NPAS3: variants seen among roughly 807,000 people sequenced by gnomAD.
The protein encoded by NPAS3 is neuronal PAS domain-containing protein 3.
In NPAS3, 14 loss-of-function variants were observed where a neutral mutation model predicts 73.1. The observed-to-expected ratio is 0.19, with a 90% CI of 0.13 to 0.30. The LOEUF is 0.30. Among genes scored for constraint, NPAS3 ranks in the 10% least tolerant of loss-of-function variants. The pLI is 1.00. For missense variants in NPAS3, 1,096 were observed against 1,250.0 expected (o/e 0.88, Z 1.86); for synonymous variants, 620 against 541.5 (o/e 1.14, Z -2.01).
intron 2 of NPAS3, among the ~76,000 whole-genome samples, chr14:33,057,615 C>A (rs559916183): frequency 2.6e-4 from 40 of 152,216 alleles, no homozygotes; most frequent in Non-Finnish European, 4.3e-4. Flanking sequence ...AGGAATTTGG[C>A]GCATAGTAAG....
chr14:33,236,926 T>C (rs1958020), intron 3 of NPAS3, among the ~76,000 whole-genome samples: 4,184 of 152,194 alleles, frequency 0.027, 177 homozygotes, highest in East Asian at 0.12. Flanking sequence ...GATAAATCAG[T>C]GTTTTGATTT....
chr14:33,513,245 A>G (rs1359129973), intron 4 of NPAS3, among the ~76,000 whole-genome samples: 1 of 152,058 alleles, frequency 6.6e-6, no homozygotes, highest in Non-Finnish European at 1.5e-5. Context: ...AGCTAAGGTC[A>G]CAGACAGTGG....
At chr14:33,632,227 T>A (rs1260814606) in intron 5 of NPAS3, among the ~76,000 whole-genome samples, 2 of 152,184 alleles carry the variant, frequency 1.3e-5, no homozygotes, top group Non-Finnish European at 2.9e-5. Flanking sequence ...ACTTTAGCCA[T>A]ACCTGAGTGG....
chr14:33,252,057 C>CTGTGTGTGTGTG (rs3057325), intron 3 of NPAS3, among the ~76,000 whole-genome samples: 32 of 145,316 alleles, frequency 2.2e-4, no homozygotes, highest in African/African-American at 8.0e-4. Context: ...GTGTGTGTGT[C>CTGTGTGTGTGTG]TGTGTGTGTG....
intron 1 of NPAS3, among the ~76,000 whole-genome samples, chr14:33,035,647 G>T (rs2040141467): frequency 6.6e-6 from 1 of 152,196 alleles, no homozygotes; most frequent in East Asian, 1.9e-4. Flanking sequence ...TTATCACTTG[G>T]CACAGCATTT....
At chr14:33,451,226 T>C (rs1202774777) in intron 4 of NPAS3, among the ~76,000 whole-genome samples, 1 of 152,224 alleles carries the variant, frequency 6.6e-6, no homozygotes, top group East Asian at 1.9e-4. Context: ...CAGCTGTGCC[T>C]CCTTATTTGC....
At chr14:33,114,500 A>T (rs1225454179) in intron 2 of NPAS3, among the ~76,000 whole-genome samples, 1 of 152,180 alleles carries the variant, frequency 6.6e-6, no homozygotes, top group African/African-American at 2.4e-5. Context: ...TTACTGCCTT[A>T]TGAGAGACTT....
At chr14:33,781,686 A>G (rs1644284198) in intron 9 of NPAS3, among the ~76,000 whole-genome samples, 1 of 152,250 alleles carries the variant, frequency 6.6e-6, no homozygotes, top group African/African-American at 2.4e-5. Flanking sequence ...TTCTGTCCTG[A>G]AAGATAGGTT....
intron 4 of NPAS3, among the ~76,000 whole-genome samples, chr14:33,460,137 T>C (rs1382543590): frequency 6.6e-6 from 1 of 152,244 alleles, no homozygotes; most frequent in African/African-American, 2.4e-5. Flanking sequence ...AGCTCTCTTA[T>C]GGGCATACTG....
intron 1 of NPAS3, 101 bp downstream of exon 1, chr14:32,939,467 G>A: frequency 3.4e-6 from 1 of 293,672 alleles, no homozygotes; most frequent in Non-Finnish European, 6.2e-6. Flanking sequence ...CCGCCTCCTG[G>A]GCCGCGAGCC....
At chr14:33,326,361 C>G (rs988479349) in intron 3 of NPAS3, among the ~76,000 whole-genome samples, 1 of 152,114 alleles carries the variant, frequency 6.6e-6, no homozygotes, top group African/African-American at 2.4e-5. Context: ...ACAGGTGGAA[C>G]CAAATTTTAA....
At chr14:33,213,576 C>G (rs2047114983) in intron 2 of NPAS3, 1 of 152,140 alleles carries the variant, frequency 6.6e-6, no homozygotes, top group Non-Finnish European at 1.5e-5. Flanking sequence ...TGAATGGAGG[C>G]TGGCCCAGAT....
intron 1 of NPAS3, among the ~76,000 whole-genome samples, chr14:32,945,258 G>T (rs918037759): frequency 6.6e-6 from 1 of 152,082 alleles, no homozygotes; most frequent in Non-Finnish European, 1.5e-5. Context: ...GGCTCCTGGA[G>T]GACAGAGAGA....
intron 5 of NPAS3, among the ~76,000 whole-genome samples, chr14:33,667,129 T>A (rs2140299056): frequency 6.6e-6 from 1 of 152,290 alleles, no homozygotes; most frequent in East Asian, 1.9e-4. Flanking sequence ...GTTTGCATTC[T>A]TTTCTTTATA....
At chr14:33,444,774 T>A (rs10133530) in intron 4 of NPAS3, among the ~76,000 whole-genome samples, 31,634 of 152,286 alleles carry the variant, frequency 0.21, 3,851 homozygotes, top group East Asian at 0.54. Context: ...TCAGTGCACA[T>A]CTATTCACAT....
intron 3 of NPAS3, among the ~76,000 whole-genome samples, chr14:33,278,816 A>G (rs1350554842): frequency 6.6e-6 from 1 of 152,206 alleles, no homozygotes; most frequent in Non-Finnish European, 1.5e-5. Flanking sequence ...AAATGCTTTT[A>G]TCTTAAAAAA....
chr14:33,374,294 A>T (rs1477328622), intron 4 of NPAS3, among the ~76,000 whole-genome samples: 2 of 152,154 alleles, frequency 1.3e-5, no homozygotes, highest in African/African-American at 4.8e-5. Flanking sequence ...AGAGGCTGTT[A>T]AGGATCAGAT....
At chr14:33,260,872 A>G (rs2048951577) in intron 3 of NPAS3, among the ~76,000 whole-genome samples, 1 of 152,124 alleles carries the variant, frequency 6.6e-6, no homozygotes, top group South Asian at 2.1e-4. Context: ...TGCCTGTTGA[A>G]TGAAGTCAGT....
At chr14:33,187,850 A>G (rs759684583) in intron 2 of NPAS3, among the ~76,000 whole-genome samples, 1 of 152,144 alleles carries the variant, frequency 6.6e-6, no homozygotes, top group Non-Finnish European at 1.5e-5. Context: ...ACTATATATG[A>G]TGGATGTTGT....
Sources: gnomAD v4.1 joint callset for allele counts (sites outside exome capture counted in the v4.1 genomes callset) on GRCh38, gnomAD v4.1.1 for gene constraint, MANE v1.5 for transcripts, NCBI Gene and HGNC (gene_info 2026-07-23, HGNC 2026-07-21) for gene names.